The following CRYBG3 variants were observed in gnomAD, a reference collection of about 807,000 sequenced individuals.
CRYBG3 encodes the protein crystallin beta-gamma domain containing 3.
CRYBG3 carries 127 observed loss-of-function variants against 244.2 expected under a neutral mutation model. The ratio of observed to expected loss-of-function variants is 0.52; its 90% confidence interval spans 0.45 to 0.60. CRYBG3 has a LOEUF of 0.60. Ranked by LOEUF, CRYBG3 falls within the 20% of genes least tolerant of loss-of-function variation. The pLI is 0.00. For synonymous variants in CRYBG3, 1,132 were observed against 1,195.8 expected, an observed-to-expected ratio of 0.95 and a Z score of 1.10; for missense variants, 3,325 against 3,442.5, an observed-to-expected ratio of 0.97 and a Z score of 0.85.
At position 97,844,953 on chromosome 3, in the gene CRYBG3, C is replaced by T. The variant is rs187689080; in HGVS notation, c.216+1692C>T. ...TTATATACAGAAACTGCAGTTATCCCGTAATAGAAAGGATACCGTGGCACT... is the reference window on the plus strand; with the variant it reads ...TTATATACAGAAACTGCAGTTATCCTGTAATAGAAAGGATACCGTGGCACT... On this transcript the variant is annotated intron_variant, in intron 2 of 21. Transcript: ENST00000389622. 3.0e-4 allele frequency among the ~76,000 whole-genome samples: 45 copies of T among 152,156 alleles called. No homozygotes were observed. The East Asian group carries it at 6.4e-3, about 22-fold the overall frequency.
intron 2 of CRYBG3, among the ~76,000 whole-genome samples, chr3:97,859,925 T>G (rs565253885): frequency 6.6e-6 from 1 of 152,186 alleles, no homozygotes; most frequent in Non-Finnish European, 1.5e-5. Flanking sequence ...CTTCCTTTCC[T>G]TCTGGAACCT....
At position 97,876,784 on chromosome 3, in the gene CRYBG3, C is replaced by A. The variant is rs750355536; in HGVS notation, c.5590C>A (p.Pro1864Thr). The A allele has an allele frequency of 3.2e-5, 41 of 1,276,154 alleles. No homozygotes were observed. Among genetic ancestry groups the A allele is most frequent in the East Asian group, 5.9e-5 (2 of 33,786 alleles). 79.1% of individuals were successfully genotyped at this position (1,276,154 alleles called of 1,614,324 possible). A position where few individuals can be genotyped will look rare whatever the true frequency, so the allele number is the denominator to read the frequency against. Residue 1864 changes from proline (P) to threonine (T), a missense_variant, in exon 4 of 22, where the codon CCC (proline) becomes ACC (threonine). Physicochemically the swap from Pro to Thr is conservative, Grantham distance 38 (BLOSUM62 -1). Coordinates refer to ENST00000389622, the MANE Select transcript of CRYBG3 (RefSeq NM_153605.4). Reference protein sequence around the residue: ...GENIGKHKVLPAVVDIEKIHG... With the variant: ...GENIGKHKVLTAVVDIEKIHG... ...GAATATTGGGAAACACAAAGTGTTA[C>A]CCGCAGTGGTAGACATTGAGAAAAT...
intron 14 of CRYBG3, 108 bp from the exon 15 acceptor site, chr3:97,900,345 C>T: frequency 1.5e-6 from 1 of 669,690 alleles, no homozygotes; most frequent in Non-Finnish European, 2.6e-6. Flanking sequence ...AATACTCTGT[C>T]TCAAAAAAGA....
chr3:97,856,424 A>G (rs954973492), intron 2 of CRYBG3, among the ~76,000 whole-genome samples: 4 of 152,214 alleles, frequency 2.6e-5, no homozygotes, highest in Non-Finnish European at 5.9e-5. Context: ...GCATTAAGAG[A>G]TTAAAGTAAA....
In CRYBG3 at chr3:97,877,064, C is replaced by T. The variant is rs748830892; in HGVS notation, c.5870C>T (p.Thr1957Ile). ...PAMPDFQPGD[T>I]TVRLDKRMSL... The stretch of plus-strand genomic sequence containing the variant: ...ATGCCAGATTTTCAACCTGGGGATA[C>T]CACAGTAAGACTAGACAAAAGAATG... Residue 1957 changes from threonine (T) to isoleucine (I), a missense_variant, in exon 4 of 22, where the codon ACC (threonine) becomes ATC (isoleucine). Transcript: ENST00000389622. The T allele has an allele frequency of 6.2e-7, 1 of 1,602,474 alleles. No homozygotes were observed. Among genetic ancestry groups the T allele is most frequent in the Admixed American group, 1.7e-5 (1 of 58,968 alleles).
intron 7 of CRYBG3, 80 bp from the exon 8 acceptor site, chr3:97,886,551 A>G (rs2039509047): frequency 2.8e-6 from 3 of 1,072,386 alleles, no homozygotes; most frequent in Non-Finnish European, 4.0e-6. Context: ...AGAACAGTGT[A>G]ACTGTATGTC....
chr3:97,823,202 G>A (rs2038531076), intron 1 of CRYBG3, among the ~76,000 whole-genome samples: 1 of 152,142 alleles, frequency 6.6e-6, no homozygotes, highest in Admixed American at 6.5e-5. Context: ...GAAGAAAGAG[G>A]GGTTAAGTAA....
intron 3 of CRYBG3, among the ~76,000 whole-genome samples, chr3:97,865,404 A>G (rs1420657133): frequency 6.6e-6 from 1 of 152,188 alleles, no homozygotes; most frequent in East Asian, 1.9e-4. Context: ...TTATAATTAT[A>G]CAGTTCTTTA....
chr3:97,864,269 C>T lies in CRYBG3; in HGVS notation c.269C>T (p.Pro90Leu). Residue 90 changes from proline (P) to leucine (L), a missense_variant, in exon 3 of 22, where the codon CCA becomes CTA. Pro to Leu is a moderately conservative substitution (Grantham distance 98, BLOSUM62 -3). This residue lies in a region of CRYBG3 where 1,526 missense variants were observed against 1,443.2 expected (regional missense o/e 1.06). Coordinates refer to ENST00000389622, the MANE Select transcript of CRYBG3 (RefSeq NM_153605.4). ...RNHAEKPVTL[P>L]VQEDPKKAYD... Reference sequence around the variant, plus strand: ...CATGCTGAGAAGCCAGTCACTCTTCCAGTGCAGGAAGATCCCAAAAAGGCA... The same window carrying T: ...CATGCTGAGAAGCCAGTCACTCTTCTAGTGCAGGAAGATCCCAAAAAGGCA... 6.5e-7 allele frequency: 1 copy of T among 1,530,690 alleles called. No individual in the cohort carries two copies. The highest frequency in any genetic ancestry group is 8.7e-7 in the Non-Finnish European group (1 of 1,145,256). 94.8% of individuals were successfully genotyped at this position (1,530,690 alleles called of 1,614,324 possible).
chr3:97,874,398 A>T lies in CRYBG3; in HGVS notation c.3204A>T (p.Glu1068Asp), dbSNP rs1426118916. The change falls in exon 4 of 22, where the codon GAA becomes GAT. Residue 1068 changes from glutamate (E) to aspartate (D), a missense_variant. Physicochemically the swap from Glu to Asp is conservative, Grantham distance 45. Around this residue, in one of 4 missense-constraint regions of CRYBG3, gnomAD observed 1,526 missense variants for 1,443.2 expected, o/e 1.06. Transcript: ENST00000389622. Reference sequence around the variant, plus strand: ...TGTCATCTTCCTCTAGTTACCCTGAAGAAGTTAGCATGATAGTAAATTCAC... The same window carrying T: ...TGTCATCTTCCTCTAGTTACCCTGATGAAGTTAGCATGATAGTAAATTCAC... ...DSVSSSSSYP[E>D]EVSMIVNSHK... is the part of the protein sequence containing the mutation. 2.0e-6 allele frequency: 3 copies of T among 1,533,964 alleles called. No homozygotes were observed. In the South Asian group the frequency reaches 3.6e-5, roughly 18 times the overall value.
At position 97,944,619 on chromosome 3, in the gene CRYBG3, T is replaced by C. The variant is rs1171876723; in HGVS notation, c.*1305T>C. ...TTTTTCCTCCTTCAATCTCAGGCTT[T>C]TCTCCATCTTTTAAGCAGCCTCTGT... On this transcript the variant is annotated 3_prime_UTR_variant, in exon 22 of 22. Coordinates refer to ENST00000389622, the MANE Select transcript of CRYBG3 (RefSeq NM_153605.4). 3 of 152,354 alleles carry C rather than the reference T, an allele frequency of 2.0e-5. No individual in the cohort carries two copies. Among genetic ancestry groups the C allele is most frequent in the East Asian group, 3.9e-4 (2 of 5,178 alleles). The allele number at this position is 152,354 out of a possible 1,614,324, so 9.4% of individuals were successfully genotyped here. A position where few individuals can be genotyped will look rare whatever the true frequency, so the allele number is the denominator to read the frequency against.
intron 2 of CRYBG3, among the ~76,000 whole-genome samples, chr3:97,848,881 G>A (rs2038942109): frequency 6.6e-6 from 1 of 152,246 alleles, no homozygotes; most frequent in African/African-American, 2.4e-5. Flanking sequence ...ATAGATTACA[G>A]CACAGTTTTC....
intron 3 of CRYBG3, among the ~76,000 whole-genome samples, chr3:97,870,805 A>G (rs776676841): frequency 6.6e-6 from 1 of 152,182 alleles, no homozygotes; most frequent in Non-Finnish European, 1.5e-5. Context: ...GGGCACTTAA[A>G]AACAGAAAGA....
chr3:97,856,710 T>C (rs2039070653), intron 2 of CRYBG3, among the ~76,000 whole-genome samples: 1 of 152,144 alleles, frequency 6.6e-6, no homozygotes, highest in Non-Finnish European at 1.5e-5. Flanking sequence ...TGTATCATTA[T>C]TCACAAAAAT....
chr3:97,927,490 A>G (rs1215285004), intron 17 of CRYBG3, among the ~76,000 whole-genome samples: 1 of 152,084 alleles, frequency 6.6e-6, no homozygotes, highest in African/African-American at 2.4e-5. Flanking sequence ...AGGAAATACC[A>G]TTCTGGACGT....
At chr3:97,918,360 G>C (rs1377173965) in intron 17 of CRYBG3, among the ~76,000 whole-genome samples, 2 of 152,210 alleles carry the variant, frequency 1.3e-5, no homozygotes, top group East Asian at 3.9e-4. Context: ...CAGTGTTGCA[G>C]TCATTTTATA....
chr3:97,845,301 G>A (rs1239126467), intron 2 of CRYBG3, among the ~76,000 whole-genome samples: 1 of 152,118 alleles, frequency 6.6e-6, no homozygotes, highest in African/African-American at 2.4e-5. Flanking sequence ...TGCAAGACAA[G>A]TTTGAACTAC....
chr3:97,833,981 A>G (rs1576508743), intron 1 of CRYBG3, among the ~76,000 whole-genome samples: 1 of 152,090 alleles, frequency 6.6e-6, no homozygotes, highest in Admixed American at 6.5e-5. Flanking sequence ...GTTCTTTTTA[A>G]CAGCCAGTTT....
At chr3:97,901,581 G>A (rs2039707262) in intron 15 of CRYBG3, among the ~76,000 whole-genome samples, 1 of 152,156 alleles carries the variant, frequency 6.6e-6, no homozygotes, top group East Asian at 1.9e-4. Context: ...AGATTTTTAT[G>A]TTGAAATTTT....
Sources: allele counts gnomAD v4.1 joint callset (sites outside exome capture counted in the v4.1 genomes callset), GRCh38; gene constraint gnomAD v4.1.1; regional missense constraint gnomAD v4.1.1; transcripts MANE v1.5; gene names NCBI Gene and HGNC (gene_info 2026-07-23, HGNC 2026-07-21).